Variants in AFAP1 observed in about 807,000 individuals in gnomAD.
AFAP1 encodes the protein actin filament associated protein 1.
AFAP1 carries 75 observed loss-of-function variants against 93.9 expected under a neutral mutation model. The observed-to-expected ratio is 0.80, with a 90% confidence interval of 0.66 to 0.97. The LOEUF is 0.97. Ranked by LOEUF, AFAP1 falls within the 50% of genes least tolerant of loss-of-function variation. AFAP1 has a pLI of 0.00. For missense variants in AFAP1, 1,201 were observed against 1,050.8 expected, an observed-to-expected ratio of 1.14 and a Z score of -1.98; for synonymous variants, 517 against 430.7, an observed-to-expected ratio of 1.20 and a Z score of -2.48.
At chr4:7,899,857 AAAATAAAT>A (rs10523683) in intron 1 of AFAP1, among the ~76,000 whole-genome samples, 2 of 149,164 alleles carry the variant, frequency 1.3e-5, no homozygotes, top group Admixed American at 6.7e-5. Context: ...GTGCTCTTTA[AAAATAAAT>A]AAATAAATAA....
At chr4:7,901,762 T>C (rs1430458233) in intron 1 of AFAP1, among the ~76,000 whole-genome samples, 2 of 152,242 alleles carry the variant, frequency 1.3e-5, no homozygotes, top group East Asian at 1.9e-4. Context: ...CAAGTTCCTT[T>C]GCTGTTTTTC....
intron 10 of AFAP1, among the ~76,000 whole-genome samples, 184 bp downstream of exon 10, chr4:7,800,258 A>AG (rs1164481958): frequency 6.6e-6 from 1 of 151,938 alleles, no homozygotes; most frequent in Non-Finnish European, 1.5e-5. Context: ...CCAGAAAAAA[A>AG]ACTGAGGCAA....
intron 4 of AFAP1, among the ~76,000 whole-genome samples, chr4:7,853,871 A>G (rs1714737761): frequency 6.6e-6 from 1 of 152,102 alleles, no homozygotes; most frequent in South Asian, 2.1e-4. Context: ...GTGCGCCATC[A>G]CTGCTGTCTC....
chr4:7,873,496 C>T (rs1422272678), intron 1 of AFAP1, among the ~76,000 whole-genome samples: 1 of 150,618 alleles, frequency 6.6e-6, no homozygotes, highest in Non-Finnish European at 1.5e-5. Flanking sequence ...CTACAGGCGC[C>T]CGCCACCACG....
chr4:7,873,267 C>A (rs1231631383), intron 1 of AFAP1, among the ~76,000 whole-genome samples: 1 of 140,336 alleles, frequency 7.1e-6, no homozygotes, highest in African/African-American at 2.6e-5. Flanking sequence ...AAAAACCCCA[C>A]TTTCACTTAG....
intron 16 of AFAP1, among the ~76,000 whole-genome samples, chr4:7,769,599 G>A (rs1715126802): frequency 1.3e-5 from 2 of 152,058 alleles, no homozygotes; most frequent in African/African-American, 2.4e-5. Context: ...GAGCTGCCGA[G>A]GCCCCCATTG....
chr4:7,938,230 G>A (rs1056778880), intron 1 of AFAP1, among the ~76,000 whole-genome samples: 1 of 151,722 alleles, frequency 6.6e-6, no homozygotes, highest in African/African-American at 2.4e-5. Context: ...CACGCTAGAG[G>A]GCTAGGAGCC....
intron 1 of AFAP1, among the ~76,000 whole-genome samples, chr4:7,913,234 T>G (rs1341418644): frequency 6.6e-6 from 1 of 151,890 alleles, no homozygotes; most frequent in East Asian, 1.9e-4. Flanking sequence ...GCAAAAAATT[T>G]TAAACATTAG....
chr4:7,840,468 C>T (rs1454883621), intron 5 of AFAP1, among the ~76,000 whole-genome samples: 1 of 152,082 alleles, frequency 6.6e-6, no homozygotes, highest in African/African-American at 2.4e-5. Context: ...CGTGCACCAC[C>T]ACACTCGGCT....
chr4:7,825,688 T>C (rs1253649250), intron 6 of AFAP1, among the ~76,000 whole-genome samples: 3 of 151,840 alleles, frequency 2.0e-5, no homozygotes, highest in African/African-American at 7.3e-5. Flanking sequence ...TTGCGATAAT[T>C]ACAGCAAATT....
intron 4 of AFAP1, among the ~76,000 whole-genome samples, chr4:7,848,209 G>C (rs1363936324): frequency 1.5e-5 from 1 of 67,588 alleles, no homozygotes; most frequent in African/African-American, 8.4e-5. Flanking sequence ...AAGCAAGGGA[G>C]GGAGGGAGGG....
intron 4 of AFAP1, among the ~76,000 whole-genome samples, chr4:7,854,104 C>G (rs1310561447): frequency 6.6e-6 from 1 of 152,148 alleles, no homozygotes; most frequent in Non-Finnish European, 1.5e-5. Flanking sequence ...AAAATACCCT[C>G]AATAAGAAAA....
intron 6 of AFAP1, among the ~76,000 whole-genome samples, chr4:7,827,119 G>C (rs1203269533): frequency 6.6e-6 from 1 of 152,124 alleles, no homozygotes; most frequent in African/African-American, 2.4e-5. Context: ...CTGGGCTGAA[G>C]AGCCCACAGG....
chr4:7,795,388 C>T (rs1718301681), intron 10 of AFAP1, among the ~76,000 whole-genome samples: 1 of 141,838 alleles, frequency 7.1e-6, no homozygotes, highest in Admixed American at 7.1e-5. Flanking sequence ...GGTCTTATGT[C>T]CTTCCTAAAA....
chr4:7,834,092 TACACACACACACACACAC>T (rs142790415), intron 6 of AFAP1, among the ~76,000 whole-genome samples: 2 of 126,588 alleles, frequency 1.6e-5, no homozygotes, highest in Admixed American at 7.6e-5. Flanking sequence ...AACTGTGGCA[TACACACACACACACACAC>T]ACACACACAC....
chr4:7,899,728 C>T (rs4075363), intron 1 of AFAP1, among the ~76,000 whole-genome samples: 140,796 of 152,226 alleles, frequency 0.92, 65,295 homozygotes, highest in Non-Finnish European at 0.96. Flanking sequence ...CGAGGTTAGA[C>T]AGCAGAAGAA....
intron 10 of AFAP1, among the ~76,000 whole-genome samples, 177 bp from the exon 11 acceptor site, chr4:7,794,003 A>C (rs904476994): frequency 6.6e-6 from 1 of 152,218 alleles, no homozygotes; most frequent in African/African-American, 2.4e-5. Context: ...AGCAGGCCTT[A>C]ATTTAGGAAG....
chr4:7,852,577 AAGT>A (rs1183125842), intron 4 of AFAP1, among the ~76,000 whole-genome samples: 2 of 152,078 alleles, frequency 1.3e-5, no homozygotes, highest in Non-Finnish European at 2.9e-5. Context: ...TCCAATACAG[AAGT>A]GCTACTGAAG....
At chr4:7,896,950 C>T (rs868456114) in intron 1 of AFAP1, among the ~76,000 whole-genome samples, 2 of 152,012 alleles carry the variant, frequency 1.3e-5, no homozygotes, top group South Asian at 2.1e-4. Context: ...CCTCTGGAAA[C>T]AGTTCCTTTG....
Sources: gnomAD v4.1 joint callset for allele counts (sites outside exome capture counted in the v4.1 genomes callset) on GRCh38, gnomAD v4.1.1 for gene constraint, MANE v1.5 for transcripts, NCBI Gene and HGNC (gene_info 2026-07-23, HGNC 2026-07-21) for gene names.